The following TENM3 variants were observed in gnomAD, a reference collection of about 807,000 sequenced individuals.
The protein encoded by TENM3 is teneurin-3.
TENM3 carries 63 observed loss-of-function variants against 255.1 expected under a neutral mutation model. The observed-to-expected ratio is 0.25, with a 90% CI of 0.20 to 0.30. TENM3 has a LOEUF of 0.30. Among genes scored for constraint, TENM3 ranks in the 10% least tolerant of loss-of-function variants. The pLI, the probability that TENM3 is intolerant of heterozygous loss-of-function variation, is 1.00. For missense variants in TENM3, 2,929 were observed against 3,461.1 expected (o/e 0.85, Z 3.86); for synonymous variants, 1,306 against 1,322.3 (o/e 0.99, Z 0.27).
At chr4:182,092,247 G>A in the TENM3 span, among the ~76,000 whole-genome samples, 3 of 152,140 alleles carry the variant, frequency 2.0e-5, no homozygotes, top group Non-Finnish European at 4.4e-5. Context: ...AGGCTGTGGT[G>A]GGAGAATCAC....
the TENM3 span, among the ~76,000 whole-genome samples, chr4:181,654,251 A>C: frequency 6.6e-6 from 1 of 151,480 alleles, no homozygotes; most frequent in Admixed American, 6.6e-5. Context: ...AAAAAAAAGA[A>C]GTCCAAACTC....
the TENM3 span, among the ~76,000 whole-genome samples, chr4:181,515,663 C>G: frequency 6.6e-6 from 1 of 152,058 alleles, no homozygotes; most frequent in African/African-American, 2.4e-5. Context: ...TTAAAATATT[C>G]ATGTCCTAAT....
At chr4:182,228,098 G>A (rs1184888211) in intron 1 of TENM3, among the ~76,000 whole-genome samples, 7 of 152,058 alleles carry the variant, frequency 4.6e-5, no homozygotes, top group Non-Finnish European at 7.4e-5. Flanking sequence ...GAAATGGAGA[G>A]ATGTGGGTCT....
intron 7 of TENM3, among the ~76,000 whole-genome samples, chr4:182,675,962 G>A (rs1755631563): frequency 6.6e-6 from 1 of 152,160 alleles, no homozygotes. Flanking sequence ...AGTAGGTTAT[G>A]CATTTTCTTA....
chr4:182,751,072 AG>A (rs1249138232), intron 19 of TENM3, among the ~76,000 whole-genome samples: 6 of 152,212 alleles, frequency 3.9e-5, no homozygotes, highest in Non-Finnish European at 7.3e-5. Flanking sequence ...TATAAAACTG[AG>A]GCACTACATT....
At chr4:181,941,026 G>A in the TENM3 span, among the ~76,000 whole-genome samples, 1 of 152,224 alleles carries the variant, frequency 6.6e-6, no homozygotes, top group Non-Finnish European at 1.5e-5. Context: ...TTATCAGGCT[G>A]AATAACTGGA....
chr4:181,704,194 T>C, the TENM3 span, among the ~76,000 whole-genome samples: 6 of 152,154 alleles, frequency 3.9e-5, no homozygotes. Flanking sequence ...TCCCTTTCAC[T>C]GTTTTATGTT....
the TENM3 span, among the ~76,000 whole-genome samples, chr4:181,751,531 T>G: frequency 6.6e-6 from 1 of 152,176 alleles, no homozygotes; most frequent in Admixed American, 6.5e-5. Context: ...GTTACGCACC[T>G]GCTTTCTGAT....
chr4:181,696,623 G>A, the TENM3 span, among the ~76,000 whole-genome samples: 1 of 152,130 alleles, frequency 6.6e-6, no homozygotes, highest in African/African-American at 2.4e-5. Context: ...CAAGTAAGGG[G>A]CCAAATTTGA....
chr4:181,605,498 G>T, the TENM3 span, among the ~76,000 whole-genome samples: 8 of 13,244 alleles, frequency 6.0e-4, 1 homozygote, highest in African/African-American at 2.4e-3. Flanking sequence ...AAGAAAGAAA[G>T]AAAGAAAGAA....
chr4:182,570,710 T>C (rs1580974745), intron 3 of TENM3, among the ~76,000 whole-genome samples: 1 of 152,134 alleles, frequency 6.6e-6, no homozygotes, highest in Admixed American at 6.5e-5. Flanking sequence ...GGCAGGCGCC[T>C]GTAGTCCAGC....
the TENM3 span, among the ~76,000 whole-genome samples, chr4:181,986,250 T>C: frequency 6.6e-6 from 1 of 152,012 alleles, no homozygotes; most frequent in African/African-American, 2.4e-5. Flanking sequence ...CTCATTTCCA[T>C]TCATTTCTCC....
chr4:181,747,673 A>G, the TENM3 span, among the ~76,000 whole-genome samples: 2 of 151,864 alleles, frequency 1.3e-5, no homozygotes, highest in African/African-American at 2.4e-5. Flanking sequence ...TATTTGTTAC[A>G]TTCCTGCTTA....
At chr4:181,662,363 T>C in the TENM3 span, among the ~76,000 whole-genome samples, 3 of 152,228 alleles carry the variant, frequency 2.0e-5, no homozygotes, top group Non-Finnish European at 4.4e-5. Flanking sequence ...TTTGCCAAAA[T>C]CCTTGGGCCT....
chr4:181,481,071 A>G, the TENM3 span, among the ~76,000 whole-genome samples: 9 of 151,924 alleles, frequency 5.9e-5, no homozygotes, highest in Non-Finnish European at 1.3e-4. Context: ...AAAAAGTTGA[A>G]TGAAAGTATA....
chr4:182,530,283 C>G (rs556584097), intron 3 of TENM3, among the ~76,000 whole-genome samples: 51 of 152,306 alleles, frequency 3.3e-4, no homozygotes, highest in African/African-American at 1.2e-3. Context: ...TTTCAACAGG[C>G]TGCCTCTCCA....
At chr4:182,307,364 G>T (rs571895404) in intron 1 of TENM3, among the ~76,000 whole-genome samples, 1 of 152,270 alleles carries the variant, frequency 6.6e-6, no homozygotes, top group East Asian at 1.9e-4. Flanking sequence ...AAAGTAGAGA[G>T]ACCAAAAATT....
chr4:181,539,708 A>G, the TENM3 span, among the ~76,000 whole-genome samples: 3 of 152,224 alleles, frequency 2.0e-5, no homozygotes, highest in Admixed American at 6.5e-5. Context: ...AAATGGTCCA[A>G]AAGATAAATT....
At chr4:182,167,606 C>T (rs924419465) in intron 1 of TENM3, among the ~76,000 whole-genome samples, 2 of 152,176 alleles carry the variant, frequency 1.3e-5, no homozygotes, top group Admixed American at 6.5e-5. Flanking sequence ...GGTGTGGTGG[C>T]TCACACCTAT....
Sources: gnomAD v4.1 joint callset for allele counts (sites outside exome capture counted in the v4.1 genomes callset) on GRCh38, gnomAD v4.1.1 for gene constraint, MANE v1.5 for transcripts, NCBI Gene and HGNC (gene_info 2026-07-23, HGNC 2026-07-21) for gene names.